RCHY1: variants seen among roughly 807,000 people sequenced by gnomAD.
RCHY1 encodes the protein ring finger and CHY zinc finger domain containing 1.
RCHY1 carries 21 observed loss-of-function variants against 41.6 expected under a neutral mutation model. The ratio of observed to expected loss-of-function variants is 0.51; its 90% CI spans 0.36 to 0.73. The LOEUF is 0.73. Ranked by LOEUF, RCHY1 falls within the 30% of genes least tolerant of loss-of-function variation. The probability of loss-of-function intolerance (pLI) is 0.00; values close to 1 mark genes in which losing one functional copy is unlikely to be tolerated. For missense variants in RCHY1, 265 were observed against 325.3 expected (o/e 0.81, Z 1.43); for synonymous variants, 79 against 102.9 (o/e 0.77, Z 1.41).
chr4:75,486,265 G>A (rs566474576), intron 8 of RCHY1, among the ~76,000 whole-genome samples: 60 of 151,968 alleles, frequency 3.9e-4, no homozygotes, highest in Non-Finnish European at 7.8e-4. Context: ...GAAAACATTC[G>A]GGAGGGTACA....
chr4:75,496,293 C>T (rs762724679), intron 3 of RCHY1, among the ~76,000 whole-genome samples: 2 of 151,924 alleles, frequency 1.3e-5, no homozygotes, highest in Non-Finnish European at 2.9e-5. Flanking sequence ...TCATTTATTG[C>T]CTAGAGAGTT....
rs142057784 is a variant in RCHY1 at position 75,494,828 on chromosome 4, A to G, written c.327-649T>C. On this transcript the variant is annotated intron_variant, in intron 3 of 8. Transcript: ENST00000324439. ...CCACCAACACTGCATGAGAGTAACC[A>G]TGTTCCCCACACTTTGGGTAACATG... Among the ~76,000 whole-genome samples the G allele has an allele frequency of 3.0e-3, 457 of 151,972 alleles. 5 individuals carry two copies. In the South Asian group the frequency reaches 0.034, roughly 11 times the overall value.
At chr4:75,512,070 T>C (rs887926921) in intron 1 of RCHY1, among the ~76,000 whole-genome samples, 4 of 152,144 alleles carry the variant, frequency 2.6e-5, no homozygotes, top group African/African-American at 4.8e-5. Flanking sequence ...TAGATAACAA[T>C]CCCAACCCTA....
chr4:75,502,898 T>G (rs1560525991), intron 3 of RCHY1, among the ~76,000 whole-genome samples: 2 of 152,028 alleles, frequency 1.3e-5, no homozygotes, highest in Admixed American at 6.5e-5. Flanking sequence ...CAGAAGGCAT[T>G]AAAGAGTCCG....
At position 75,487,485 on chromosome 4, in the gene RCHY1, C is replaced by CATATATTCATAAT. The variant is rs1560512235; in HGVS notation, c.657+3095_657+3096insATTATGAATATAT. Among the ~76,000 whole-genome samples, 120 of 89,270 alleles carry CATATATTCATAAT rather than the reference C, an allele frequency of 1.3e-3. 4 individuals are homozygous for CATATATTCATAAT. Among genetic ancestry groups the CATATATTCATAAT allele is most frequent in the East Asian group, 7.0e-3 (21 of 3,008 alleles). The allele number at this position is 89,270 out of a possible 152,430, so 58.6% of individuals were successfully genotyped here. ...TATATATATTCACAATATATATAGTCATATATATTCATAATATATATATTC... is the reference window on the plus strand; with the variant it reads ...TATATATATTCACAATATATATAGTCATATATTCATAATATATATATTCATAATATATATATTC... On this transcript the variant is annotated intron_variant, in intron 8 of 8. Coordinates refer to ENST00000324439, the MANE Select transcript of RCHY1 (RefSeq NM_015436.4).
intron 3 of RCHY1, among the ~76,000 whole-genome samples, chr4:75,495,633 G>C (rs1243720616): frequency 1.3e-5 from 2 of 151,970 alleles, no homozygotes; most frequent in Non-Finnish European, 2.9e-5. Flanking sequence ...TATCTTATGG[G>C]TGACAAGGCA....
At chr4:75,495,176 C>A (rs1723084363) in intron 3 of RCHY1, among the ~76,000 whole-genome samples, 1 of 151,760 alleles carries the variant, frequency 6.6e-6, no homozygotes, top group African/African-American at 2.4e-5. Flanking sequence ...TGTCATATAG[C>A]CATTTTTAAT....
chr4:75,509,388 A>T, intron 1 of RCHY1, 92 bp from the exon 2 acceptor site: 1 of 1,183,640 alleles, frequency 8.4e-7, no homozygotes, highest in Non-Finnish European at 1.2e-6. Context: ...CTCCTCCTGG[A>T]TGGAACTGAA....
intron 8 of RCHY1, among the ~76,000 whole-genome samples, chr4:75,486,903 C>G (rs1215053157): frequency 6.6e-6 from 1 of 152,056 alleles, no homozygotes; most frequent in East Asian, 1.9e-4. Context: ...TGCTTAAACC[C>G]TGGAGGCAGA....
In RCHY1 at chr4:75,482,607, T is replaced by C. The variant is rs878876668; in HGVS notation, c.717A>G (p.Lys239=). The stretch of plus-strand genomic sequence containing the variant: ...TATTATAGGATTCACAAATCTTACA[T>C]TTCATGCCTAATATATGAAACTGAA... ...STVQFHILGM[K]CKICESYNTA... The change falls in exon 9 of 9, where the codon AAA becomes AAG. Residue 239 remains lysine, a synonymous_variant. Coordinates refer to ENST00000324439, the MANE Select transcript of RCHY1 (RefSeq NM_015436.4). 6.2e-7 allele frequency: 1 copy of C among 1,612,216 alleles called. No homozygotes were observed. Among genetic ancestry groups the C allele is most frequent in the African/African-American group, 1.3e-5 (1 of 74,848 alleles).
At chr4:75,514,462 G>T, upstream of RCHY1, 1 of 638,612 alleles carries the variant, frequency 1.6e-6, no homozygotes, top group Non-Finnish European at 2.6e-6. Context: ...CTACGAGGCG[G>T]AAGCGAAGGC....
At chr4:75,484,069 C>A (rs997133119) in intron 8 of RCHY1, among the ~76,000 whole-genome samples, 3 of 152,172 alleles carry the variant, frequency 2.0e-5, no homozygotes, top group African/African-American at 4.8e-5. Flanking sequence ...TGGTTCAGGG[C>A]TGCCTGATTC....
chr4:75,498,288 A>G (rs976070330), intron 3 of RCHY1, among the ~76,000 whole-genome samples: 2 of 151,956 alleles, frequency 1.3e-5, no homozygotes, highest in Non-Finnish European at 2.9e-5. Context: ...AAAAACCTCA[A>G]TAAGCCAGTA....
chr4:75,508,575 A>G (rs1423604652), intron 3 of RCHY1, among the ~76,000 whole-genome samples: 1 of 152,170 alleles, frequency 6.6e-6, no homozygotes, highest in Non-Finnish European at 1.5e-5. Context: ...ATAGTTATAC[A>G]ATAATTGATG....
chr4:75,492,391 A>T (rs879294104), intron 4 of RCHY1, among the ~76,000 whole-genome samples: 3 of 151,984 alleles, frequency 2.0e-5, no homozygotes, highest in Non-Finnish European at 2.9e-5. Context: ...GATCAATTAA[A>T]TCTCACAATC....
intron 3 of RCHY1, among the ~76,000 whole-genome samples, chr4:75,498,481 C>CAA (rs57789217): frequency 0.011 from 744 of 68,716 alleles, 6 homozygotes; most frequent in Non-Finnish European, 0.018. Flanking sequence ...CAATCCTGAG[C>CAA]AAAAAAAAAA....
intron 8 of RCHY1, among the ~76,000 whole-genome samples, chr4:75,486,852 G>A (rs752175310): frequency 2.6e-5 from 4 of 152,178 alleles, no homozygotes; most frequent in South Asian, 2.1e-4. Context: ...AGTGGTGTGC[G>A]CTTGTAGTCC....
chr4:75,485,877 A>T (rs1721955031), intron 8 of RCHY1, among the ~76,000 whole-genome samples: 2 of 152,186 alleles, frequency 1.3e-5, no homozygotes, highest in Admixed American at 6.5e-5. Context: ...GCCAGTTTTT[A>T]TATTGTTAGT....
At chr4:75,501,479 C>A (rs1349475898) in intron 3 of RCHY1, among the ~76,000 whole-genome samples, 1 of 152,084 alleles carries the variant, frequency 6.6e-6, no homozygotes, top group Non-Finnish European at 1.5e-5. Flanking sequence ...TTTCAGTATG[C>A]CATATGCACT....
Sources: allele counts gnomAD v4.1 joint callset (sites outside exome capture counted in the v4.1 genomes callset), GRCh38; gene constraint gnomAD v4.1.1; transcripts MANE v1.5; gene names NCBI Gene and HGNC (gene_info 2026-07-23, HGNC 2026-07-21).